Variants in PTPN4 observed in about 807,000 individuals in gnomAD.
The protein encoded by PTPN4 is tyrosine-protein phosphatase non-receptor type 4.
Under a neutral mutation model 135.5 loss-of-function variants are expected in PTPN4, and 49 were observed. The ratio of observed to expected loss-of-function variants is 0.36; its 90% confidence interval spans 0.29 to 0.46. PTPN4 has a LOEUF of 0.46. Ranked by LOEUF, PTPN4 falls within the 20% of genes least tolerant of loss-of-function variation. The pLI is 1.00. For missense variants in PTPN4, 860 were observed against 1,101.0 expected (o/e 0.78, Z 3.10); for synonymous variants, 333 against 369.9 (o/e 0.90, Z 1.14).
intron 2 of PTPN4, among the ~76,000 whole-genome samples, chr2:119,840,313 CCT>C (rs1339449048): frequency 6.6e-6 from 1 of 152,102 alleles, no homozygotes; most frequent in African/African-American, 2.4e-5. Flanking sequence ...TCCTTGTGTC[CCT>C]GTGTTCTCAT....
chr2:119,818,440 T>C (rs1045718556), intron 2 of PTPN4, among the ~76,000 whole-genome samples: 1 of 152,196 alleles, frequency 6.6e-6, no homozygotes, highest in African/African-American at 2.4e-5. Flanking sequence ...TAGCTAAGAA[T>C]GGTTTTTTAC....
At chr2:119,881,475 T>C (rs1678077042) in intron 5 of PTPN4, among the ~76,000 whole-genome samples, 1 of 152,210 alleles carries the variant, frequency 6.6e-6, no homozygotes, top group African/African-American at 2.4e-5. Context: ...CACTTCTTTC[T>C]GCATATACCA....
In PTPN4 at chr2:119,981,648, C is replaced by A. The variant is rs943327051; in HGVS notation, c.*4578C>A. 6.6e-6 allele frequency: 1 copy of A among 151,984 alleles called. No individual in the cohort carries two copies. Among genetic ancestry groups the A allele is most frequent in the African/African-American group, 2.4e-5 (1 of 41,382 alleles). 9.4% of individuals were successfully genotyped at this position (151,984 alleles called of 1,614,324 possible). A position where few individuals can be genotyped will look rare whatever the true frequency, so the allele number is the denominator to read the frequency against. On this transcript the variant is annotated 3_prime_UTR_variant, in exon 27 of 27. Coordinates refer to ENST00000263708, the MANE Select transcript of PTPN4 (RefSeq NM_002830.4). ...TTTATTAAGAACCCAGTAAATTAATCCCTAATTTGTATGTTTTTTGTTCAA... is the reference window on the plus strand; with the variant it reads ...TTTATTAAGAACCCAGTAAATTAATACCTAATTTGTATGTTTTTTGTTCAA...
chr2:119,811,103 A>G (rs1216250194), intron 2 of PTPN4, among the ~76,000 whole-genome samples: 1 of 152,128 alleles, frequency 6.6e-6, no homozygotes, highest in African/African-American at 2.4e-5. Context: ...TGGGGGAGGG[A>G]TAGCATTAGG....
intron 1 of PTPN4, among the ~76,000 whole-genome samples, chr2:119,769,319 C>T (rs773913957): frequency 6.6e-6 from 1 of 152,212 alleles, no homozygotes; most frequent in African/African-American, 2.4e-5. Flanking sequence ...TATTGATAAT[C>T]TCAGCTAGTT....
At chr2:119,847,275 TACAC>T (rs775485671) in intron 2 of PTPN4, among the ~76,000 whole-genome samples, 2,035 of 106,878 alleles carry the variant, frequency 0.019, 50 homozygotes, top group African/African-American at 0.039. Context: ...ATACTCTATA[TACAC>T]ACACACACAC....
chr2:119,917,902 A>G (rs944397943), intron 11 of PTPN4, among the ~76,000 whole-genome samples: 1 of 152,312 alleles, frequency 6.6e-6, no homozygotes, highest in Middle Eastern at 3.4e-3. Context: ...AAATTGGGCA[A>G]GAAAAATTTT....
intron 26 of PTPN4, among the ~76,000 whole-genome samples, chr2:119,972,564 A>G (rs894543762): frequency 2.0e-5 from 3 of 152,024 alleles, no homozygotes; most frequent in Non-Finnish European, 2.9e-5. Context: ...TCTTTCTTGT[A>G]TAAGTATCCT....
chr2:119,886,118 CAGACCGTA>C (rs1353828334), intron 9 of PTPN4, among the ~76,000 whole-genome samples: 4 of 152,086 alleles, frequency 2.6e-5, no homozygotes. Context: ...ATAATTTTTA[CAGACCGTA>C]AGATATAGTA....
rs576093476 is a variant in PTPN4, at chr2:119,817,824, G to A, written c.138+7833G>A. On this transcript the variant is annotated intron_variant, in intron 2 of 26. Transcript: ENST00000263708. The stretch of plus-strand genomic sequence containing the variant: ...ATGGAATGTTTTTCCATTTGTTAGT[G>A]TCCTCTATGATGTCTTTGAGCCGTC... Among the ~76,000 whole-genome samples the A allele has an allele frequency of 5.3e-5, 8 of 152,190 alleles. No individual in the cohort carries two copies. In the East Asian group the frequency reaches 1.5e-3, roughly 29 times the overall value.
chr2:119,831,725 A>G lies in PTPN4; in HGVS notation c.138+21734A>G, dbSNP rs368104128. Among the ~76,000 whole-genome samples the G allele has an allele frequency of 8.5e-5, 13 of 152,254 alleles. 1 individual carries two copies. In the South Asian group the frequency reaches 1.7e-3, roughly 19 times the overall value. On this transcript the variant is annotated intron_variant, in intron 2 of 26. Transcript: ENST00000263708. ...GAATCATTTTCATCATTTACCTTCA[A>G]TCTACCTATATCATTATATTTTGAG...
chr2:119,870,052 G>A (rs1249646850), intron 3 of PTPN4, among the ~76,000 whole-genome samples: 1 of 152,198 alleles, frequency 6.6e-6, no homozygotes, highest in Non-Finnish European at 1.5e-5. Flanking sequence ...GAATAAAGCT[G>A]TGTGTTAGGG....
At chr2:119,847,030 A>G (rs2104976190) in intron 2 of PTPN4, among the ~76,000 whole-genome samples, 1 of 151,130 alleles carries the variant, frequency 6.6e-6, no homozygotes, top group Admixed American at 6.6e-5. Context: ...GTATGTATAT[A>G]TAGAAATTGT....
chr2:119,805,857 T>C (rs191069796), intron 1 of PTPN4, among the ~76,000 whole-genome samples: 53 of 152,316 alleles, frequency 3.5e-4, no homozygotes, highest in African/African-American at 1.3e-3. Flanking sequence ...ATTGAATCTA[T>C]AAATTACCTT....
chr2:119,830,798 G>T (rs1309209430), intron 2 of PTPN4, among the ~76,000 whole-genome samples: 1 of 152,040 alleles, frequency 6.6e-6, no homozygotes, highest in Non-Finnish European at 1.5e-5. Flanking sequence ...TGCCACATGA[G>T]ACACCTTGCT....
At chr2:119,865,727 G>T (rs531142008) in intron 3 of PTPN4, among the ~76,000 whole-genome samples, 8 of 152,068 alleles carry the variant, frequency 5.3e-5, no homozygotes, top group Non-Finnish European at 1.0e-4. Flanking sequence ...TAAAACTTAT[G>T]TATGTTACAT....
chr2:119,801,924 G>A (rs1482852750), intron 1 of PTPN4, among the ~76,000 whole-genome samples: 1 of 98,522 alleles, frequency 1.0e-5, no homozygotes, highest in Non-Finnish European at 2.2e-5. Context: ...TTTTTTTGAG[G>A]CAGTCTTATT....
At chr2:119,834,571 T>C (rs984330665) in intron 2 of PTPN4, among the ~76,000 whole-genome samples, 3 of 152,118 alleles carry the variant, frequency 2.0e-5, no homozygotes, top group Admixed American at 6.5e-5. Flanking sequence ...TATTGTTGGC[T>C]GAAAGAATTT....
intron 2 of PTPN4, among the ~76,000 whole-genome samples, chr2:119,820,018 T>C (rs1208411929): frequency 1.3e-5 from 2 of 152,162 alleles, no homozygotes; most frequent in African/African-American, 4.8e-5. Context: ...TGCGCCACCA[T>C]GACCACCTAA....
Sources: allele counts gnomAD v4.1 joint callset (sites outside exome capture counted in the v4.1 genomes callset), GRCh38; gene constraint gnomAD v4.1.1; transcripts MANE v1.5; gene names NCBI Gene and HGNC (gene_info 2026-07-23, HGNC 2026-07-21).